The following PLEKHM2 variants were observed in gnomAD, a reference collection of about 807,000 sequenced individuals.
The protein encoded by PLEKHM2 is pleckstrin homology and RUN domain containing M2, also known as pleckstrin homology domain-containing family M member 2.
Under a neutral mutation model 116.3 loss-of-function variants are expected in PLEKHM2, and 77 were observed. The ratio of observed to expected loss-of-function variants is 0.66; its 90% CI spans 0.55 to 0.80. The LOEUF is 0.80. Among genes scored for constraint, PLEKHM2 ranks in the 30% least tolerant of loss-of-function variants. The probability of loss-of-function intolerance (pLI) is 0.00; values close to 1 mark genes in which losing one functional copy is unlikely to be tolerated. For synonymous variants in PLEKHM2, 562 were observed against 571.0 expected, an observed-to-expected ratio of 0.98 and a Z score of 0.22; for missense variants, 1,183 against 1,354.9, an observed-to-expected ratio of 0.87 and a Z score of 1.99.
rs2068076870 is a variant in PLEKHM2, at chr1:15,727,288, T to C, written c.1216T>C (p.Leu406=). Residue 406 remains leucine (L), a synonymous_variant, in exon 9 of 20, where the codon TTG becomes CTG. Transcript: ENST00000375799. The surrounding 1 kb of genome is among the most constrained non-coding windows in gnomAD (Gnocchi z 7.5). ...GATGAAGGACACCTCCATGGAGCGCTTGGGGCAGCCCCTGAGCAAGGTTAT... is the reference window on the plus strand; with the variant it reads ...GATGAAGGACACCTCCATGGAGCGCCTGGGGCAGCCCCTGAGCAAGGTTAT... ...PEMKDTSMER[L]GQPLSKVIDQ... 1 of 1,605,548 alleles carries C rather than the reference T, an allele frequency of 6.2e-7. No individual in the cohort carries two copies. The highest frequency in any genetic ancestry group is 8.5e-7 in the Non-Finnish European group (1 of 1,177,008).
intron 8 of PLEKHM2, 144 bp from the exon 9 acceptor site, chr1:15,726,870 C>A: frequency 1.9e-6 from 1 of 533,640 alleles, no homozygotes; most frequent in South Asian, 4.0e-5. Context: ...CCCAGTGCCT[C>A]CACCCAGCAC....
intron 1 of PLEKHM2, among the ~76,000 whole-genome samples, chr1:15,685,114 T>G (rs1363317221): frequency 6.6e-6 from 1 of 152,256 alleles, no homozygotes; most frequent in Non-Finnish European, 1.5e-5. Flanking sequence ...CCCTGAATAA[T>G]CTTGCTCAAG....
At position 15,721,820 on chromosome 1, in the gene PLEKHM2, G is replaced by C. The variant is rs2068000658; in HGVS notation, c.712+432G>C. The stretch of plus-strand genomic sequence containing the variant: ...AGAAAGAGCTTGATTCTTTCAGTCT[G>C]TTCCTAATGGCTTCCTCTTGGGTGT... On this transcript the variant is annotated intron_variant, in intron 7 of 19. Transcript: ENST00000375799. The surrounding 1 kb of genome is among the most constrained non-coding windows in gnomAD (Gnocchi z 5.1). 1.3e-5 allele frequency among the ~76,000 whole-genome samples: 2 copies of C among 152,254 alleles called. No individual in the cohort carries two copies.
chr1:15,730,723 G>T lies in PLEKHM2; in HGVS notation c.2399+1G>T. 6.3e-7 allele frequency: 1 copy of T among 1,592,750 alleles called. No individual in the cohort carries two copies. Among genetic ancestry groups the T allele is most frequent in the Non-Finnish European group, 8.5e-7 (1 of 1,170,152 alleles). On this transcript the variant is annotated splice_donor_variant, in intron 15 of 19. Transcript: ENST00000375799. LOFTEE classifies it high-confidence loss of function. ...GGAAGACGTGCTTCGTGGTGCTCAGGTGGGAGCCCTGGCAGCTCTAGGCCT... is the reference window on the plus strand; with the variant it reads ...GGAAGACGTGCTTCGTGGTGCTCAGTTGGGAGCCCTGGCAGCTCTAGGCCT...
intron 8 of PLEKHM2, chr1:15,725,824 C>T (rs1264266821): frequency 8.4e-6 from 4 of 474,272 alleles, no homozygotes; most frequent in Non-Finnish European, 1.5e-5. Context: ...GGTCAGGGTG[C>T]CGGTGTGGCC....
At chr1:15,716,173 C>A in intron 1 of PLEKHM2, 64 bp from the exon 2 acceptor site, 2 of 1,041,232 alleles carry the variant, frequency 1.9e-6, no homozygotes, top group Non-Finnish European at 1.4e-6. Flanking sequence ...CTTCTTGATT[C>A]CAGAACTTTT....
intron 1 of PLEKHM2, among the ~76,000 whole-genome samples, chr1:15,713,903 G>A (rs919076818): frequency 1.2e-4 from 18 of 151,016 alleles, no homozygotes; most frequent in African/African-American, 2.4e-4. Flanking sequence ...CTCCCAAAGC[G>A]GTGGGATTAC....
At position 15,721,329 on chromosome 1, in the gene PLEKHM2, A is replaced by T; in HGVS notation, c.653A>T (p.Asp218Val). The T allele has an allele frequency of 2.6e-6, 4 of 1,558,056 alleles. No individual in the cohort carries two copies. Among genetic ancestry groups the T allele is most frequent in the Non-Finnish European group, 3.5e-6 (4 of 1,149,660 alleles). Reference protein sequence around the residue: ...DDSAIAPSSEDYDFGDVFPAV... With the variant: ...DDSAIAPSSEVYDFGDVFPAV... Reference sequence around the variant, plus strand: ...TCAGTTTTGTCCCTCGTTTTTGTAGATTATGATTTTGGAGATGTGTTTCCA... The same window carrying T: ...TCAGTTTTGTCCCTCGTTTTTGTAGTTTATGATTTTGGAGATGTGTTTCCA... Residue 218 changes from aspartate (D) to valine (V), a missense_variant and splice_region_variant, in exon 7 of 20, where the codon GAT becomes GTT. Physicochemically the swap from Asp to Val is radical, Grantham distance 152. Coordinates refer to ENST00000375799, the MANE Select transcript of PLEKHM2 (RefSeq NM_015164.4). This position sits in a 1 kb window ranked among gnomAD's most constrained non-coding sequence, Gnocchi z 5.1.
intron 3 of PLEKHM2, among the ~76,000 whole-genome samples, chr1:15,717,176 G>A (rs904985608): frequency 8.5e-5 from 13 of 152,192 alleles, no homozygotes; most frequent in Non-Finnish European, 1.5e-4. Flanking sequence ...CTTGAGCCCC[G>A]GAGTTTGAGG....
At chr1:15,709,512 A>C (rs1641286288) in intron 1 of PLEKHM2, among the ~76,000 whole-genome samples, 1 of 152,162 alleles carries the variant, frequency 6.6e-6, no homozygotes, top group Admixed American at 6.5e-5. Flanking sequence ...TGTATTGGAC[A>C]GCTCAGGTCT....
chr1:15,683,664 G>A (rs1640693163), upstream of PLEKHM2, among the ~76,000 whole-genome samples: 1 of 148,762 alleles, frequency 6.7e-6, no homozygotes, highest in South Asian at 2.2e-4. Flanking sequence ...GGGGTCTTTG[G>A]GGGTCTCTGA....
chr1:15,682,331 A>G (rs1640661816), upstream of PLEKHM2, among the ~76,000 whole-genome samples: 2 of 150,520 alleles, frequency 1.3e-5, no homozygotes, highest in African/African-American at 4.9e-5. Context: ...GGCGCCCGTA[A>G]TCCCAGCTAC....
At chr1:15,732,827 GCCTC>G in intron 19 of PLEKHM2, 99 bp downstream of exon 19, 1 of 799,912 alleles carries the variant, frequency 1.3e-6, no homozygotes. Context: ...ACTTGGCCCT[GCCTC>G]CAGGGTCCTG....
intron 1 of PLEKHM2, among the ~76,000 whole-genome samples, chr1:15,714,248 G>T (rs879677490): frequency 6.7e-6 from 1 of 148,836 alleles, no homozygotes; most frequent in Admixed American, 6.8e-5. Context: ...CCCTGTTTTG[G>T]TTTTTTAATT....
At position 15,721,758 on chromosome 1, in the gene PLEKHM2, G is replaced by A. The variant is rs936038434; in HGVS notation, c.712+370G>A. ...TGGAAAACCATGCCTTTAAACATGCGGGTTGTAAGCTCCTGCGGGTCAGAT... is the reference window on the plus strand; with the variant it reads ...TGGAAAACCATGCCTTTAAACATGCAGGTTGTAAGCTCCTGCGGGTCAGAT... On this transcript the variant is annotated intron_variant, in intron 7 of 19. Coordinates refer to ENST00000375799, the MANE Select transcript of PLEKHM2 (RefSeq NM_015164.4). The surrounding 1 kb of genome is among the most constrained non-coding windows in gnomAD (Gnocchi z 5.1). Among the ~76,000 whole-genome samples the A allele has an allele frequency of 1.3e-5, 2 of 152,172 alleles. No homozygotes were observed. Among genetic ancestry groups the A allele is most frequent in the Non-Finnish European group, 2.9e-5 (2 of 68,036 alleles).
rs1330089089 is a variant in PLEKHM2, at chr1:15,721,210, T to TG, written c.653-118dup. 2 of 693,376 alleles carry TG rather than the reference T, an allele frequency of 2.9e-6. No individual in the cohort carries two copies. Among genetic ancestry groups the TG allele is most frequent in the Non-Finnish European group, 5.2e-6 (2 of 386,272 alleles). 43.0% of individuals were successfully genotyped at this position (693,376 alleles called of 1,614,324 possible). On this transcript the variant is annotated intron_variant, in intron 6 of 19. Transcript: ENST00000375799. The surrounding 1 kb of genome is among the most constrained non-coding windows in gnomAD (Gnocchi z 5.1). Reference sequence around the variant, plus strand: ...GGTTGTTGGATACAATGTAGAAAGTTGAAGTTTTCCTCTCCTATTTTCTCC... The same window carrying TG: ...GGTTGTTGGATACAATGTAGAAAGTTGGAAGTTTTCCTCTCCTATTTTCTCC...
chr1:15,723,457 A>C (rs1457061757), intron 7 of PLEKHM2: 1 of 151,544 alleles, frequency 6.6e-6, no homozygotes, highest in African/African-American at 2.4e-5. Context: ...CTTAAAAAAA[A>C]AAAAAAAGGG....
intron 7 of PLEKHM2, among the ~76,000 whole-genome samples, chr1:15,723,954 G>C (rs1347194411): frequency 6.6e-6 from 1 of 152,210 alleles, no homozygotes; most frequent in African/African-American, 2.4e-5. Flanking sequence ...CCTTGCCATT[G>C]ACCCTCACCC....
rs766912438 is a variant in PLEKHM2 at position 15,732,058 on chromosome 1, G to A, written c.2625+10G>A. On this transcript the variant is annotated intron_variant, in intron 17 of 19. Coordinates refer to ENST00000375799, the MANE Select transcript of PLEKHM2 (RefSeq NM_015164.4). Reference sequence around the variant, plus strand: ...GGCTGTGTCCAAAGGGGTGAGCTTCGCCTGCCCCTACCGCTCACCTGGCTT... The same window carrying A: ...GGCTGTGTCCAAAGGGGTGAGCTTCACCTGCCCCTACCGCTCACCTGGCTT... 22 of 1,594,048 alleles carry A rather than the reference G, an allele frequency of 1.4e-5. No homozygotes were observed. Among genetic ancestry groups the A allele is most frequent in the Middle Eastern group, 1.7e-4 (1 of 6,016 alleles).
Sources: gnomAD v4.1 joint callset for allele counts (sites outside exome capture counted in the v4.1 genomes callset) on GRCh38, gnomAD v4.1.1 for gene constraint, Gnocchi (gnomAD v3.1) non-coding constraint, MANE v1.5 for transcripts, NCBI Gene and HGNC (gene_info 2026-07-23, HGNC 2026-07-21) for gene names.